The following SLC19A3 variants were observed in gnomAD, a reference collection of about 807,000 sequenced individuals.
SLC19A3 encodes thiamine transporter 2.
A neutral mutation model predicts 40.2 loss-of-function variants in SLC19A3; 31 were observed. The observed-to-expected ratio is 0.77, with a 90% CI of 0.58 to 1.04. SLC19A3 has a LOEUF of 1.04. SLC19A3 is among the 50% of genes least tolerant of loss of function. The probability of loss-of-function intolerance (pLI) is 0.00; values close to 1 mark genes in which losing one functional copy is unlikely to be tolerated. For missense variants in SLC19A3, 592 were observed against 596.7 expected, an observed-to-expected ratio of 0.99 and a Z score of 0.08; for synonymous variants, 212 against 227.5, an observed-to-expected ratio of 0.93 and a Z score of 0.61.
chr2:227,714,317 A>G (rs1696253681), intron 1 of SLC19A3: 1 of 563,264 alleles, frequency 1.8e-6, no homozygotes, highest in Non-Finnish European at 2.2e-6. Flanking sequence ...ATTTCTGATG[A>G]AAACAGTGCC....
rs1380539913 is a variant in SLC19A3 at position 227,715,515 on chromosome 2, C to T, written c.-3+2428G>A. ...TGCTGGGATTACAGGTGTGAGCCACCGCACCCAGCCCAAGTGATCTTTAAG... is the reference window on the plus strand; with the variant it reads ...TGCTGGGATTACAGGTGTGAGCCACTGCACCCAGCCCAAGTGATCTTTAAG... On this transcript the variant is annotated intron_variant, in intron 1 of 5. Transcript: ENST00000644224. 3.3e-5 allele frequency among the ~76,000 whole-genome samples: 5 copies of T among 152,236 alleles called. 1 individual carries two copies. Among genetic ancestry groups the T allele is most frequent in the Middle Eastern group, 6.8e-3 (2 of 294 alleles).
At chr2:227,716,606 A>G (rs140748738) in intron 1 of SLC19A3, among the ~76,000 whole-genome samples, 147 of 152,208 alleles carry the variant, frequency 9.7e-4, no homozygotes, top group African/African-American at 3.4e-3. Context: ...TGACCCATTC[A>G]TGCTCCCTAG....
chr2:227,706,058 AT>A (rs969610717), intron 1 of SLC19A3, among the ~76,000 whole-genome samples: 33 of 150,652 alleles, frequency 2.2e-4, no homozygotes, highest in African/African-American at 6.6e-4. Context: ...AAAAAAAAAA[AT>A]GCAGAAGAAA....
At position 227,699,532 on chromosome 2, in the gene SLC19A3, G is replaced by A; in HGVS notation, c.183C>T (p.Tyr61=). 2 of 1,614,212 alleles carry A rather than the reference G, an allele frequency of 1.2e-6. No individual in the cohort carries two copies. The highest frequency in any genetic ancestry group is 1.7e-6 in the Non-Finnish European group (2 of 1,180,046). Residue 61 remains tyrosine, a synonymous_variant, in exon 3 of 6, where the codon TAC becomes TAT. Coordinates refer to ENST00000644224, the MANE Select transcript of SLC19A3 (RefSeq NM_025243.4). ...CAGGCAGCAGCAGCACCAGGTAGGA[G>A]TATGTCCAAACGGGGAAGATCTCAT... is the stretch of plus-strand genomic sequence containing the variant. ...ITNEIFPVWT[Y]SYLVLLLPVF...
At position 227,699,395 on chromosome 2, in the gene SLC19A3, T is replaced by C; in HGVS notation, c.320A>G (p.Gln107Arg). Residue 107 changes from glutamine to arginine, a missense_variant, in exon 3 of 6, where the codon CAG (glutamine) becomes CGG (arginine). Transcript: ENST00000644224. ...CATCCCATAGAAGAACTCTACAACC[T>C]GCATGGTCTTCACTCCTTGGCCAAA... ...LLFGQGVKTM[Q>R]VVEFFYGMVT... The C allele has an allele frequency of 6.2e-7, 1 of 1,614,124 alleles. No individual in the cohort carries two copies. The highest frequency in any genetic ancestry group is 8.5e-7 in the Non-Finnish European group (1 of 1,180,024).
At chr2:227,700,369 T>C (rs1291167653) in intron 2 of SLC19A3, among the ~76,000 whole-genome samples, 1 of 146,706 alleles carries the variant, frequency 6.8e-6, no homozygotes, top group East Asian at 2.0e-4. Context: ...AAACCCCGTC[T>C]ACAACTAAAA....
chr2:227,714,322 A>G (rs186112928), intron 1 of SLC19A3: 65 of 577,544 alleles, frequency 1.1e-4, no homozygotes, highest in Middle Eastern at 1.8e-3. Context: ...TGATGAAAAC[A>G]GTGCCCGTAA....
At chr2:227,716,842 TC>T (rs1023658946) in intron 1 of SLC19A3, among the ~76,000 whole-genome samples, 16 of 152,110 alleles carry the variant, frequency 1.1e-4, no homozygotes. Flanking sequence ...GGTATTTTTG[TC>T]CATTTCAGCT....
intron 3 of SLC19A3, among the ~76,000 whole-genome samples, chr2:227,697,921 C>CA (rs898563209): frequency 1.3e-5 from 2 of 151,412 alleles, no homozygotes; most frequent in Non-Finnish European, 2.9e-5. Flanking sequence ...ACTAAAAATA[C>CA]AAAAAAATTT....
chr2:227,690,304 G>A (rs1032376115), intron 4 of SLC19A3, among the ~76,000 whole-genome samples: 39 of 152,226 alleles, frequency 2.6e-4, no homozygotes, highest in African/African-American at 8.9e-4. Flanking sequence ...CAAAAAAAGA[G>A]GACTTGTAGC....
At chr2:227,711,597 A>G (rs968428430) in intron 1 of SLC19A3, among the ~76,000 whole-genome samples, 2 of 152,174 alleles carry the variant, frequency 1.3e-5, no homozygotes, top group African/African-American at 4.8e-5. Context: ...CATAACAAAT[A>G]CTAACACCAC....
chr2:227,704,524 T>C (rs978358648), intron 1 of SLC19A3, among the ~76,000 whole-genome samples: 1 of 152,234 alleles, frequency 6.6e-6, no homozygotes, highest in African/African-American at 2.4e-5. Context: ...TAGTAAGATT[T>C]GTGCTCATTT....
chr2:227,701,914 A>G (rs1695710474), intron 2 of SLC19A3: 2 of 425,614 alleles, frequency 4.7e-6, no homozygotes, highest in Non-Finnish European at 4.3e-6. Flanking sequence ...AAAGTCTCCT[A>G]TCATTAACAC....
chr2:227,699,712 GA>G, intron 2 of SLC19A3, 148 bp from the exon 3 acceptor site: 1 of 779,270 alleles, frequency 1.3e-6, no homozygotes, highest in Non-Finnish European at 2.2e-6. Context: ...GAAATCACAA[GA>G]AAAGATAGTC....
chr2:227,701,635 TAAA>T (rs59125996), intron 2 of SLC19A3: 147 of 143,396 alleles, frequency 1.0e-3, no homozygotes, highest in South Asian at 2.0e-3. Flanking sequence ...CAAAAACAAT[TAAA>T]AAAAAAAAAA....
chr2:227,691,811 G>C (rs539201274), intron 4 of SLC19A3, among the ~76,000 whole-genome samples: 1 of 152,106 alleles, frequency 6.6e-6, no homozygotes, highest in South Asian at 2.1e-4. Flanking sequence ...TTTTAGAAAA[G>C]ATAAAACTGA....
At chr2:227,717,240 A>C (rs1696365330) in intron 1 of SLC19A3, among the ~76,000 whole-genome samples, 1 of 152,042 alleles carries the variant, frequency 6.6e-6, no homozygotes, top group African/African-American at 2.4e-5. Flanking sequence ...GACCTCAAGC[A>C]ATCCGCCCCG....
At chr2:227,694,017 A>G (rs1315626409) in intron 4 of SLC19A3, among the ~76,000 whole-genome samples, 1 of 152,322 alleles carries the variant, frequency 6.6e-6, no homozygotes, top group East Asian at 1.9e-4. Context: ...CTACAATGAG[A>G]TATTATCTCA....
At position 227,688,184 on chromosome 2, in the gene SLC19A3, G is replaced by A; in HGVS notation, c.1296C>T (p.Asn432=). 3 of 1,614,094 alleles carry A rather than the reference G, an allele frequency of 1.9e-6. No homozygotes were observed. The highest frequency in any genetic ancestry group is 2.5e-6 in the Non-Finnish European group (3 of 1,179,968). The stretch of plus-strand genomic sequence containing the variant: ...AGCTTACCTGAATGCTGACTGGCAA[G>A]TTGAGCCCTCTCTGATCTACTACAA... ...TVIVVDQRGL[N]LPVSIQFLVY... The change falls in exon 5 of 6, where the codon AAC becomes AAT. Residue 432 remains asparagine, a synonymous_variant. Coordinates refer to ENST00000644224, the MANE Select transcript of SLC19A3 (RefSeq NM_025243.4).
Sources: gnomAD v4.1 joint callset for allele counts (sites outside exome capture counted in the v4.1 genomes callset) on GRCh38, gnomAD v4.1.1 for gene constraint, MANE v1.5 for transcripts, NCBI Gene and HGNC (gene_info 2026-07-23, HGNC 2026-07-21) for gene names.